Variants in CRACD observed in about 807,000 individuals in gnomAD.
The protein encoded by CRACD is capping protein-inhibiting regulator of actin dynamics.
In CRACD, 56 loss-of-function variants were observed where a neutral mutation model predicts 106.8. That is an observed-to-expected ratio of 0.52 (90% CI 0.42 to 0.66). The LOEUF is 0.66. Ranked by LOEUF, CRACD falls within the 30% of genes least tolerant of loss-of-function variation. The pLI is 0.00. For missense variants in CRACD, 1,730 were observed against 1,623.2 expected (o/e 1.07, Z -1.13); for synonymous variants, 754 against 670.8 (o/e 1.12, Z -1.92).
At position 56,328,350 on chromosome 4, in the gene CRACD, T is replaced by A. The variant is rs1218417527; in HGVS notation, c.*546T>A. ...CACAAGGAACATTCTGGCACCCAAC[T>A]GTGCCCATCTTAGTTTTCATGAGTT... On this transcript the variant is annotated 3_prime_UTR_variant, in exon 11 of 11. Coordinates refer to ENST00000682029, the MANE Select transcript of CRACD (RefSeq NM_001393381.1). The A allele has an allele frequency of 7.7e-6, 4 of 518,860 alleles. No homozygotes were observed. Among genetic ancestry groups the A allele is most frequent in the Non-Finnish European group, 1.5e-5 (4 of 259,864 alleles). 32.1% of individuals were successfully genotyped at this position (518,860 alleles called of 1,614,324 possible).
At chr4:56,135,053 G>A (rs1440879937) in intron 1 of CRACD, among the ~76,000 whole-genome samples, 1 of 152,260 alleles carries the variant, frequency 6.6e-6, no homozygotes, top group East Asian at 1.9e-4. Context: ...GGAGCCCGAG[G>A]CGGGTGGATT....
At chr4:56,061,719 G>C (rs1732285410) in intron 1 of CRACD, among the ~76,000 whole-genome samples, 1 of 152,162 alleles carries the variant, frequency 6.6e-6, no homozygotes, top group Non-Finnish European at 1.5e-5. Context: ...TATAAAGCAA[G>C]TAAAGCCAGG....
Position 56,314,762 on chromosome 4 carries a change from T to A in CRACD, c.1260T>A (p.Ser420Arg). 1.3e-6 allele frequency: 2 copies of A among 1,591,150 alleles called. No individual in the cohort carries two copies. Among genetic ancestry groups the A allele is most frequent in the African/African-American group, 2.7e-5 (2 of 74,864 alleles). Residue 420 changes from serine (S) to arginine (R), a missense_variant, in exon 8 of 11, where the codon AGT becomes AGA. Physicochemically the swap from Ser to Arg is moderately radical, Grantham distance 110 (BLOSUM62 -1). Coordinates refer to ENST00000682029, the MANE Select transcript of CRACD (RefSeq NM_001393381.1). The surrounding 1 kb of genome is among the most constrained non-coding windows in gnomAD (Gnocchi z 4.4). The stretch of plus-strand genomic sequence containing the variant: ...TGGAGGACTGGAGGGGGCAGCTCAG[T>A]GAGCTTCTGAACGACTTTGAGGAGA... Reference protein sequence around the residue: ...AHLEDWRGQLSELLNDFEERL... With the variant: ...AHLEDWRGQLRELLNDFEERL...
intron 1 of CRACD, among the ~76,000 whole-genome samples, chr4:56,051,318 G>C (rs1731866139): frequency 6.6e-6 from 1 of 152,152 alleles, no homozygotes; most frequent in Admixed American, 6.5e-5. Context: ...CTGTGTAGAG[G>C]TTTTCCACAT....
chr4:56,107,260 T>G (rs1209272194), intron 1 of CRACD, among the ~76,000 whole-genome samples: 1 of 152,132 alleles, frequency 6.6e-6, no homozygotes, highest in East Asian at 1.9e-4. Flanking sequence ...GGATTACAGG[T>G]GTGAGCCACC....
intron 1 of CRACD, among the ~76,000 whole-genome samples, chr4:56,085,509 G>A (rs916133620): frequency 1.3e-5 from 2 of 152,148 alleles, no homozygotes; most frequent in African/African-American, 2.4e-5. Flanking sequence ...TGCCTTACTG[G>A]GCAGCAGAGT....
chr4:56,310,553 T>C (rs981806731), intron 5 of CRACD, 113 bp from the exon 6 acceptor site: 4 of 738,734 alleles, frequency 5.4e-6, no homozygotes, highest in Non-Finnish European at 9.6e-6. Flanking sequence ...TGAGGCCAGC[T>C]GCACCCCTGT....
chr4:56,093,190 A>T (rs1262140742), intron 1 of CRACD, among the ~76,000 whole-genome samples: 2 of 152,106 alleles, frequency 1.3e-5, no homozygotes, highest in Non-Finnish European at 1.5e-5. Context: ...TATTTTGAGG[A>T]TTAAATCAGA....
chr4:56,319,612 G>GAA (rs935178304), intron 8 of CRACD, among the ~76,000 whole-genome samples: 5 of 138,294 alleles, frequency 3.6e-5, no homozygotes, highest in African/African-American at 1.3e-4. Flanking sequence ...TCAAAAAAAG[G>GAA]AAAAAAAAAA....
chr4:56,298,596 C>A (rs59106370), intron 4 of CRACD, among the ~76,000 whole-genome samples: 31,181 of 152,130 alleles, frequency 0.2, 3,842 homozygotes, highest in East Asian at 0.62. Flanking sequence ...CAAATTGTTC[C>A]CTCATATTTT....
At chr4:56,217,968 C>T (rs28803314) in intron 2 of CRACD, among the ~76,000 whole-genome samples, 39,978 of 152,030 alleles carry the variant, frequency 0.26, 5,514 homozygotes, top group Non-Finnish European at 0.3. Context: ...TTCTTCTTGC[C>T]TCTGTCCTGG....
At chr4:56,291,300 CAAG>C (rs973718535) in intron 3 of CRACD, among the ~76,000 whole-genome samples, 1 of 152,158 alleles carries the variant, frequency 6.6e-6, no homozygotes, top group Admixed American at 6.5e-5. Context: ...CTTTAAATGT[CAAG>C]AATAAAGAAG....
intron 1 of CRACD, among the ~76,000 whole-genome samples, chr4:56,102,448 G>C (rs1733806091): frequency 6.6e-6 from 1 of 152,156 alleles, no homozygotes; most frequent in Admixed American, 6.5e-5. Context: ...GACTAGATCA[G>C]TGTTCCCAAA....
rs186371858 is a variant in CRACD, at chr4:56,223,605, T to C, written c.-189+44175T>C. 1.5e-4 allele frequency among the ~76,000 whole-genome samples: 23 copies of C among 152,334 alleles called. No homozygotes were observed. In the East Asian group the frequency reaches 3.5e-3, roughly 23 times the overall value. On this transcript the variant is annotated intron_variant, in intron 2 of 10. Coordinates refer to ENST00000682029, the MANE Select transcript of CRACD (RefSeq NM_001393381.1). Reference sequence around the variant, plus strand: ...GTCCAGCTGTCCCAGCAACACTTATTGAATGGTCTTTCTCCACTGACTTAA... The same window carrying C: ...GTCCAGCTGTCCCAGCAACACTTATCGAATGGTCTTTCTCCACTGACTTAA...
chr4:56,313,232 C>G lies in CRACD; in HGVS notation c.390C>G (p.His130Gln). The G allele has an allele frequency of 6.2e-7, 1 of 1,614,196 alleles. No homozygotes were observed. The highest frequency in any genetic ancestry group is 8.5e-7 in the Non-Finnish European group (1 of 1,180,040). Residue 130 changes from histidine to glutamine, a missense_variant, in exon 7 of 11, where the codon CAC (histidine) becomes CAG (glutamine). Coordinates refer to ENST00000682029, the MANE Select transcript of CRACD (RefSeq NM_001393381.1). ...APVKPSRPKRHFSSAGTIESV... is the reference protein window; with the variant it reads ...APVKPSRPKRQFSSAGTIESV... The stretch of plus-strand genomic sequence containing the variant: ...TTAAACCGTCTCGGCCAAAAAGGCA[C>G]TTCTCTTCTGCTGGCACCATCGAAA...
chr4:56,156,271 C>T (rs1279365055), intron 1 of CRACD, among the ~76,000 whole-genome samples: 2 of 152,262 alleles, frequency 1.3e-5, no homozygotes, highest in Admixed American at 1.3e-4. Flanking sequence ...CGAATGTTGT[C>T]ACTTTAAAAG....
intron 3 of CRACD, among the ~76,000 whole-genome samples, chr4:56,284,913 G>A (rs559599678): frequency 2.6e-5 from 4 of 152,284 alleles, no homozygotes; most frequent in Admixed American, 1.3e-4. Flanking sequence ...GATAAGGTTT[G>A]AGCTGGATCT....
At chr4:56,157,615 T>C (rs1386605893) in intron 1 of CRACD, among the ~76,000 whole-genome samples, 1 of 152,212 alleles carries the variant, frequency 6.6e-6, no homozygotes, top group African/African-American at 2.4e-5. Flanking sequence ...GGAGTCGGTC[T>C]TTTACGTCTT....
intron 1 of CRACD, among the ~76,000 whole-genome samples, chr4:56,155,575 C>T (rs973047817): frequency 1.4e-4 from 22 of 152,184 alleles, no homozygotes; most frequent in African/African-American, 5.1e-4. Flanking sequence ...CATAACTATC[C>T]TATCAGGTAG....
Sources: gnomAD v4.1 joint callset for allele counts (sites outside exome capture counted in the v4.1 genomes callset) on GRCh38, gnomAD v4.1.1 for gene constraint, Gnocchi (gnomAD v3.1) non-coding constraint, MANE v1.5 for transcripts, NCBI Gene and HGNC (gene_info 2026-07-23, HGNC 2026-07-21) for gene names.